SPIDR: variants seen among roughly 807,000 people sequenced by gnomAD.
SPIDR encodes the protein DNA repair-scaffolding protein.
Under a neutral mutation model 104.6 loss-of-function variants are expected in SPIDR, and 93 were observed. The ratio of observed to expected loss-of-function variants is 0.89; its 90% confidence interval spans 0.75 to 1.06. The LOEUF is 1.06. Among genes scored for constraint, SPIDR ranks in the 50% least tolerant of loss-of-function variants. The pLI is 0.00. For synonymous variants in SPIDR, 431 were observed against 416.9 expected, an observed-to-expected ratio of 1.03 and a Z score of -0.41; for missense variants, 1,154 against 1,111.2, an observed-to-expected ratio of 1.04 and a Z score of -0.55.
At chr8:47,706,594 T>C (rs2081121688) in intron 14 of SPIDR, among the ~76,000 whole-genome samples, 1 of 152,214 alleles carries the variant, frequency 6.6e-6, no homozygotes, top group Non-Finnish European at 1.5e-5. Flanking sequence ...ACGATTCCTG[T>C]GTTCGCCTTT....
intron 1 of SPIDR, among the ~76,000 whole-genome samples, chr8:47,265,950 T>A (rs2033883824): frequency 6.6e-6 from 1 of 151,366 alleles, no homozygotes; most frequent in Non-Finnish European, 1.5e-5. Flanking sequence ...TAACTTCTAA[T>A]CACCTGCCAA....
At chr8:47,509,708 G>A (rs2082023934) in intron 8 of SPIDR, among the ~76,000 whole-genome samples, 1 of 152,194 alleles carries the variant, frequency 6.6e-6, no homozygotes, top group Non-Finnish European at 1.5e-5. Context: ...GATTCTTACA[G>A]ATGAGGAAAG....
At chr8:47,713,793 G>C in intron 16 of SPIDR, 152 bp downstream of exon 16, 4 of 1,069,382 alleles carry the variant, frequency 3.7e-6, no homozygotes, top group Non-Finnish European at 5.3e-6. Context: ...ATTGTTCTTG[G>C]TATCAGACTC....
rs539597453 is a variant in SPIDR, at chr8:47,713,583, G to A, written c.2283G>A (p.Pro761=). 113 of 1,614,172 alleles carry A rather than the reference G, an allele frequency of 7.0e-5. No homozygotes were observed. Among genetic ancestry groups the A allele is most frequent in the South Asian group, 2.9e-4 (26 of 91,078 alleles). The part of the protein sequence containing the change: ...SGASSCELPG[P]VMLDSLDSAT... Reference sequence around the variant, plus strand: ...CAAGTTCCTGTGAGCTGCCTGGCCCGGTGATGCTCGACAGCCTGGACTCTG... The same window carrying A: ...CAAGTTCCTGTGAGCTGCCTGGCCCAGTGATGCTCGACAGCCTGGACTCTG... The change falls in exon 16 of 20, where the codon CCG becomes CCA. Residue 761 remains proline, a synonymous_variant. Coordinates refer to ENST00000297423, the MANE Select transcript of SPIDR (RefSeq NM_001080394.4).
Position 47,598,945 on chromosome 8 carries a change from G to C in SPIDR, c.1294-1G>C. The C allele has an allele frequency of 6.2e-7, 1 of 1,613,946 alleles. No homozygotes were observed. Among genetic ancestry groups the C allele is most frequent in the Admixed American group, 1.7e-5 (1 of 60,000 alleles). On this transcript the variant is annotated splice_acceptor_variant, in intron 9 of 19. Coordinates refer to ENST00000297423, the MANE Select transcript of SPIDR (RefSeq NM_001080394.4). LOFTEE classifies it high-confidence loss of function. Reference sequence around the variant, plus strand: ...CTGTTCCCTTTATGTGTCTTGGCCAGGTTGTGTGTAGTGGTGTAGCCACTA... The same window carrying C: ...CTGTTCCCTTTATGTGTCTTGGCCACGTTGTGTGTAGTGGTGTAGCCACTA...
At chr8:47,447,457 G>C (rs186193938) in intron 8 of SPIDR, among the ~76,000 whole-genome samples, 1 of 151,968 alleles carries the variant, frequency 6.6e-6, no homozygotes, top group Admixed American at 6.6e-5. Flanking sequence ...CAGGTAATCC[G>C]CCTGCCTCAG....
chr8:47,321,038 C>T lies in SPIDR; in HGVS notation c.525+27008C>T, dbSNP rs1045967287. Among the ~76,000 whole-genome samples the T allele has an allele frequency of 2.6e-4, 39 of 152,166 alleles. 1 individual carries two copies. Among genetic ancestry groups the T allele is most frequent in the Non-Finnish European group, 2.1e-4 (14 of 68,042 alleles). On this transcript the variant is annotated intron_variant, in intron 5 of 19. Transcript: ENST00000297423. ...ATTCCCTTTGAAAACTGGCACAAGACAGGGATGCCCTCTCTCACCGCTCCT... is the reference window on the plus strand; with the variant it reads ...ATTCCCTTTGAAAACTGGCACAAGATAGGGATGCCCTCTCTCACCGCTCCT...
chr8:47,463,670 CCCATTTCCA>C (rs1554715188), intron 8 of SPIDR, among the ~76,000 whole-genome samples: 2 of 152,024 alleles, frequency 1.3e-5, no homozygotes, highest in East Asian at 3.9e-4. Context: ...AGAGTTATAC[CCCATTTCCA>C]AAAGGGATTT....
intron 10 of SPIDR, among the ~76,000 whole-genome samples, chr8:47,653,719 C>T (rs1023824383): frequency 9.9e-5 from 15 of 152,224 alleles, no homozygotes; most frequent in Non-Finnish European, 2.2e-4. Flanking sequence ...ATCTATAATG[C>T]ATAAGTCTCT....
At chr8:47,437,481 T>C (rs1554693106) in intron 7 of SPIDR, among the ~76,000 whole-genome samples, 2 of 152,032 alleles carry the variant, frequency 1.3e-5, no homozygotes, top group Non-Finnish European at 2.9e-5. Flanking sequence ...ATTTTCTTAA[T>C]CCAGTCTATC....
chr8:47,530,428 T>C (rs1268104971), intron 8 of SPIDR, among the ~76,000 whole-genome samples: 3 of 152,074 alleles, frequency 2.0e-5, no homozygotes, highest in Non-Finnish European at 4.4e-5. Context: ...TGGGTGACAC[T>C]GCGAGACTCT....
At position 47,545,112 on chromosome 8, in the gene SPIDR, TTTCTTTC is replaced by T. The variant is rs1386432497; in HGVS notation, c.1098-50696_1098-50690del. Among the ~76,000 whole-genome samples, 446 of 98,246 alleles carry T rather than the reference TTTCTTTC, an allele frequency of 4.5e-3. 1 individual carries two copies. The highest frequency in any genetic ancestry group is 7.0e-3 in the African/African-American group (215 of 30,534). 64.5% of individuals were successfully genotyped at this position (98,246 alleles called of 152,430 possible). On this transcript the variant is annotated intron_variant, in intron 8 of 19. Coordinates refer to ENST00000297423, the MANE Select transcript of SPIDR (RefSeq NM_001080394.4). ...CTTTCTTTCTTTCTTTCTTTCTTTCTTTCTTTCTTTTTTTTTTTTTTTTGTTGAAACG... is the reference window on the plus strand; with the variant it reads ...CTTTCTTTCTTTCTTTCTTTCTTTCTTTTTTTTTTTTTTTTTGTTGAAACG...
At chr8:47,298,640 A>T (rs2041383816) in intron 5 of SPIDR, among the ~76,000 whole-genome samples, 1 of 152,182 alleles carries the variant, frequency 6.6e-6, no homozygotes, top group African/African-American at 2.4e-5. Context: ...ATAAGGTGTA[A>T]GGAAGGGATC....
At chr8:47,459,301 C>T (rs1029815210) in intron 8 of SPIDR, among the ~76,000 whole-genome samples, 14 of 152,010 alleles carry the variant, frequency 9.2e-5, no homozygotes, top group African/African-American at 3.1e-4. Context: ...CTTTTATTAC[C>T]GTTTCAACCT....
chr8:47,382,371 T>C (rs146946448), intron 5 of SPIDR, among the ~76,000 whole-genome samples: 1 of 152,336 alleles, frequency 6.6e-6, no homozygotes, highest in Non-Finnish European at 1.5e-5. Flanking sequence ...AGAGTAGCAA[T>C]TGAATTATAT....
rs1383864694 is a variant in SPIDR, at chr8:47,685,497, A to ATTTTTTTT, written c.1685+11559_1685+11560insTTTTTTTT. ...AGTGGTTTTATTTATTTATTTATTT[A>ATTTTTTTT]TTTATTTATTTATTTATTTATTTTT... is the stretch of plus-strand genomic sequence containing the variant. On this transcript the variant is annotated intron_variant, in intron 11 of 19. Transcript: ENST00000297423. 7.2e-4 allele frequency among the ~76,000 whole-genome samples: 81 copies of ATTTTTTTT among 113,148 alleles called. 1 individual carries two copies. The highest frequency in any genetic ancestry group is 1.1e-3 in the Non-Finnish European group (51 of 46,830). The allele number at this position is 113,148 out of a possible 152,430, so 74.2% of individuals were successfully genotyped here.
chr8:47,509,709 A>G (rs1470282160), intron 8 of SPIDR, among the ~76,000 whole-genome samples: 1 of 152,232 alleles, frequency 6.6e-6, no homozygotes, highest in Non-Finnish European at 1.5e-5. Flanking sequence ...ATTCTTACAG[A>G]TGAGGAAAGA....
intron 11 of SPIDR, among the ~76,000 whole-genome samples, chr8:47,684,863 T>C (rs1308596515): frequency 1.3e-5 from 2 of 152,132 alleles, no homozygotes; most frequent in African/African-American, 4.8e-5. Context: ...TACCCAATAA[T>C]GGGAAGGAAT....
At chr8:47,407,325 C>T (rs2062889424) in intron 6 of SPIDR, among the ~76,000 whole-genome samples, 1 of 152,110 alleles carries the variant, frequency 6.6e-6, no homozygotes, top group African/African-American at 2.4e-5. Context: ...GGGACCCATA[C>T]CCAAGTGCTC....
Sources: allele counts gnomAD v4.1 joint callset (sites outside exome capture counted in the v4.1 genomes callset), GRCh38; gene constraint gnomAD v4.1.1; transcripts MANE v1.5; gene names NCBI Gene and HGNC (gene_info 2026-07-23, HGNC 2026-07-21).